ATP1A2: variants seen among roughly 807,000 people sequenced by gnomAD.
ATP1A2 encodes sodium/potassium-transporting ATPase subunit alpha-2.
In ATP1A2, 56 loss-of-function variants were observed where a neutral mutation model predicts 113.1. The ratio of observed to expected loss-of-function variants is 0.49; its 90% confidence interval spans 0.40 to 0.62. The LOEUF is 0.62. Ranked by LOEUF, ATP1A2 falls within the 20% of genes least tolerant of loss-of-function variation. The probability of loss-of-function intolerance (pLI) is 0.00; values close to 1 mark genes in which losing one functional copy is unlikely to be tolerated. For missense variants in ATP1A2, 712 were observed against 1,357.8 expected (o/e 0.52, Z 7.47); for synonymous variants, 490 against 526.8 (o/e 0.93, Z 0.96).
At chr1:160,134,695 G>A in intron 14 of ATP1A2, 75 bp downstream of exon 14, 3 of 1,607,696 alleles carry the variant, frequency 1.9e-6, no homozygotes, top group Non-Finnish European at 2.6e-6. Context: ...TGTCCCCTGG[G>A]AGTATTTGGA....
Position 160,124,407 on chromosome 1 carries a change from A to G in ATP1A2, c.607A>G (p.Ile203Val). Residue 203 changes from isoleucine to valine, a missense_variant, in exon 6 of 23, where the codon ATC (isoleucine) becomes GTC (valine). Ile to Val is a conservative substitution (Grantham distance 29). Around this residue, in one of 6 missense-constraint regions of ATP1A2, gnomAD observed 99 missense variants for 180.4 expected, o/e 0.55. Coordinates refer to ENST00000361216, the MANE Select transcript of ATP1A2 (RefSeq NM_000702.4). Reference sequence around the variant, plus strand: ...AGACCGCGTCCCTGCTGACCTCCGGATCATCTCTTCTCATGGCTGTAAGGT... The same window carrying G: ...AGACCGCGTCCCTGCTGACCTCCGGGTCATCTCTTCTCATGGCTGTAAGGT... Reference protein sequence around the residue: ...GGDRVPADLRIISSHGCKVDN... With the variant: ...GGDRVPADLRVISSHGCKVDN... 1 of 1,610,774 alleles carries G rather than the reference A, an allele frequency of 6.2e-7. No homozygotes were observed. The highest frequency in any genetic ancestry group is 1.1e-5 in the South Asian group (1 of 90,348).
chr1:160,137,129 GTA>G, intron 20 of ATP1A2, 98 bp downstream of exon 20: 1 of 1,583,788 alleles, frequency 6.3e-7, no homozygotes, highest in Non-Finnish European at 8.6e-7. Flanking sequence ...GACCAGAGCT[GTA>G]AGGAGGGCAT....
chr1:160,116,770 G>A (rs2753265), intron 1 of ATP1A2, among the ~76,000 whole-genome samples: 14 of 152,142 alleles, frequency 9.2e-5, no homozygotes, highest in Non-Finnish European at 1.8e-4. Flanking sequence ...GGAACAGGAG[G>A]GTATGAGGAA....
chr1:160,123,184 T>TGCCCCTAC, intron 3 of ATP1A2, 29 bp from the exon 4 acceptor site: 1 of 1,613,156 alleles, frequency 6.2e-7, no homozygotes, highest in Non-Finnish European at 8.5e-7. Context: ...TCCGGATGCG[T>TGCCCCTAC]GCCCCTACGC....
In ATP1A2 at chr1:160,129,310, C is replaced by A; in HGVS notation, c.1371C>A (p.Cys457Ter). The A allele has an allele frequency of 6.2e-7, 1 of 1,614,186 alleles. No individual in the cohort carries two copies. The highest frequency in any genetic ancestry group is 1.1e-5 in the South Asian group (1 of 91,088). Residue 457 changes from cysteine (C) to a stop codon, truncating the protein, a stop_gained, in exon 11 of 23, where the codon TGC becomes TGA. Coordinates refer to ENST00000361216, the MANE Select transcript of ATP1A2 (RefSeq NM_000702.4). LOFTEE classifies it high-confidence loss of function. The stretch of plus-strand genomic sequence containing the variant: ...CCTCTGAGTCAGCTCTGCTCAAGTG[C>A]ATTGAGCTCTCCTGTGGCTCAGTGA... ...GDASESALLK[C>*]IELSCGSVRK...
intron 10 of ATP1A2, 43 bp from the exon 11 acceptor site, chr1:160,129,223 C>T (rs1430530648): frequency 1.9e-6 from 3 of 1,614,014 alleles, no homozygotes; most frequent in Non-Finnish European, 1.7e-6. Flanking sequence ...CCTCCACTCC[C>T]TTCCCTCCCA....
chr1:160,140,421 C>A (rs532764475), intron 22 of ATP1A2, among the ~76,000 whole-genome samples: 8 of 152,084 alleles, frequency 5.3e-5, no homozygotes, highest in Non-Finnish European at 8.8e-5. Context: ...TTCCTACAAG[C>A]GTTTTTTAAT....
In ATP1A2 at chr1:160,130,457, C is replaced by T; in HGVS notation, c.1687C>T (p.Pro563Ser). Residue 563 changes from proline to serine, a missense_variant, in exon 13 of 23, where the codon CCT (proline) becomes TCT (serine). Pro to Ser is a moderately conservative substitution (Grantham distance 74, BLOSUM62 -1). Around this residue, in one of 6 missense-constraint regions of ATP1A2, gnomAD observed 263 missense variants for 380.6 expected, o/e 0.69. Coordinates refer to ENST00000361216, the MANE Select transcript of ATP1A2 (RefSeq NM_000702.4). ...CQLNLPSGKF[P>S]RGFKFDTDEL... The stretch of plus-strand genomic sequence containing the variant: ...ACTGAATCTGCCATCTGGAAAGTTT[C>T]CTCGGGGCTTCAAATTCGACACGGA... 6.2e-7 allele frequency: 1 copy of T among 1,614,238 alleles called. No homozygotes were observed. Among genetic ancestry groups the T allele is most frequent in the Non-Finnish European group, 8.5e-7 (1 of 1,180,036 alleles).
At chr1:160,121,668 G>A (rs552285561) in intron 3 of ATP1A2, among the ~76,000 whole-genome samples, 63 of 152,318 alleles carry the variant, frequency 4.1e-4, no homozygotes, top group African/African-American at 1.4e-3. Context: ...TGATAGATGC[G>A]TTACATACAT....
At chr1:160,119,891 G>A (rs1651327469) in intron 1 of ATP1A2, among the ~76,000 whole-genome samples, 1 of 151,650 alleles carries the variant, frequency 6.6e-6, no homozygotes, top group Non-Finnish European at 1.5e-5. Context: ...GCGTGGTGGT[G>A]CATGCTTGTG....
chr1:160,127,592 G>C lies in ATP1A2; in HGVS notation c.789G>C (p.Thr263=), dbSNP rs748890267. 1.2e-6 allele frequency: 2 copies of C among 1,614,252 alleles called. No individual in the cohort carries two copies. The highest frequency in any genetic ancestry group is 2.7e-5 in the African/African-American group (2 of 75,082). Residue 263 remains threonine, a synonymous_variant, in exon 8 of 23, where the codon ACG becomes ACC. Transcript: ENST00000361216. The part of the protein sequence containing the change: ...RGIVIATGDR[T]VMGRIATLAS... The stretch of plus-strand genomic sequence containing the variant: ...TTGTGATTGCCACAGGAGACCGGAC[G>C]GTGATGGGCCGCATAGCTACTCTCG...
Position 160,134,556 on chromosome 1 carries a change from G to A in ATP1A2, c.1900G>A (p.Gly634Ser). 6.2e-7 allele frequency: 1 copy of A among 1,614,202 alleles called. No homozygotes were observed. The highest frequency in any genetic ancestry group is 8.5e-7 in the Non-Finnish European group (1 of 1,180,044). The part of the protein sequence containing the change: ...IAKGVGIISE[G>S]NETVEDIAAR... ...CAAAGGCGTGGGCATCATATCAGAG[G>A]GTAACGAGACTGTGGAGGACATTGC... The change falls in exon 14 of 23, where the codon GGT becomes AGT. Residue 634 changes from glycine to serine, a missense_variant. Physicochemically the swap from Gly to Ser is moderately conservative, Grantham distance 56. Coordinates refer to ENST00000361216, the MANE Select transcript of ATP1A2 (RefSeq NM_000702.4).
At chr1:160,117,334 A>G (rs1651218572) in intron 1 of ATP1A2, among the ~76,000 whole-genome samples, 1 of 152,118 alleles carries the variant, frequency 6.6e-6, no homozygotes, top group Non-Finnish European at 1.5e-5. Context: ...CCCCCATCCA[A>G]GTGAAGAGAG....
At chr1:160,120,384 C>T (rs908892992) in intron 1 of ATP1A2, among the ~76,000 whole-genome samples, 3 of 152,130 alleles carry the variant, frequency 2.0e-5, no homozygotes, top group Admixed American at 2.0e-4. Context: ...ACGTTCCTGC[C>T]TAATCCCCTG....
intron 7 of ATP1A2, chr1:160,125,685 G>A: frequency 4.8e-6 from 1 of 209,286 alleles, no homozygotes; most frequent in Non-Finnish European, 9.8e-6. Context: ...CAGGGCCCCA[G>A]GGTCTGGGAG....
chr1:160,128,018 T>A (rs1278617207), intron 8 of ATP1A2, among the ~76,000 whole-genome samples, 198 bp downstream of exon 8: 1 of 152,194 alleles, frequency 6.6e-6, no homozygotes, highest in Non-Finnish European at 1.5e-5. Context: ...TCTTAGGCAC[T>A]CAGTTTCTCT....
Position 160,128,849 on chromosome 1 carries a change from T to C in ATP1A2, c.1215T>C (p.Ser405=), listed in dbSNP as rs758864920. ...AGGCTGACACCACCGAAGATCAGTC[T>C]GGTGATTGGGTGCTCCAGAGGGGGT... ...IHEADTTEDQ[S]GATFDKRSPT... The change falls in exon 9 of 23, where the codon TCT becomes TCC. Residue 405 remains serine (S), a splice_region_variant and synonymous_variant. Transcript: ENST00000361216. 5.6e-6 allele frequency: 9 copies of C among 1,613,940 alleles called. No homozygotes were observed. The South Asian group carries it at 9.9e-5, about 18-fold the overall frequency.
Position 160,141,354 on chromosome 1 carries a change from A to C in ATP1A2, c.*32A>C. The C allele has an allele frequency of 2.5e-6, 4 of 1,613,320 alleles. No individual in the cohort carries two copies. In the African/African-American group the frequency reaches 5.3e-5, roughly 22 times the overall value. The stretch of plus-strand genomic sequence containing the variant: ...TGGAAGAAGAACCAGGCATGGAAAG[A>C]TGGGGAGCTCTGGAGGTGTTGTGGG... On this transcript the variant is annotated 3_prime_UTR_variant, in exon 23 of 23. Transcript: ENST00000361216.
chr1:160,126,634 AAT>A (rs201825459), intron 7 of ATP1A2, among the ~76,000 whole-genome samples: 1 of 151,716 alleles, frequency 6.6e-6, no homozygotes, highest in African/African-American at 2.4e-5. Flanking sequence ...ACACCCAGCT[AAT>A]ATATATATAT....
Sources: gnomAD v4.1 joint callset for allele counts (sites outside exome capture counted in the v4.1 genomes callset) on GRCh38, gnomAD v4.1.1 for gene constraint, gnomAD v4.1.1 regional missense constraint, MANE v1.5 for transcripts, NCBI Gene and HGNC (gene_info 2026-07-23, HGNC 2026-07-21) for gene names.